Variants in EBF1 observed in about 807,000 individuals in gnomAD.
EBF1 encodes the protein EBF transcription factor 1.
Under a neutral mutation model 68.4 loss-of-function variants are expected in EBF1, and 10 were observed. The observed-to-expected ratio is 0.15, with a 90% CI of 0.09 to 0.25. The LOEUF (loss-of-function observed/expected upper bound fraction) is 0.25, where lower values mean the gene tolerates loss of function less well. Ranked by LOEUF, EBF1 falls within the 10% of genes least tolerant of loss-of-function variation. The pLI is 1.00. For synonymous variants in EBF1, 298 were observed against 299.8 expected (o/e 0.99, Z 0.06); for missense variants, 509 against 794.4 (o/e 0.64, Z 4.32).
chr5:158,950,980 G>T (rs1015477813), intron 6 of EBF1, among the ~76,000 whole-genome samples: 1 of 152,178 alleles, frequency 6.6e-6, no homozygotes, highest in Admixed American at 6.5e-5. Flanking sequence ...TGGAAAGTCA[G>T]ATTTCTATAT....
chr5:158,714,082 G>A (rs752316005), intron 12 of EBF1, 35 bp downstream of exon 12: 1 of 1,607,062 alleles, frequency 6.2e-7, no homozygotes, highest in South Asian at 1.1e-5. Context: ...ATTGCATGTG[G>A]CAGTCCACAC....
intron 6 of EBF1, among the ~76,000 whole-genome samples, chr5:158,872,532 A>G (rs1272640330): frequency 6.6e-6 from 1 of 152,106 alleles, no homozygotes; most frequent in Non-Finnish European, 1.5e-5. Context: ...TTGGTGATAG[A>G]ATGGAAGGAA....
chr5:158,972,693 T>C (rs1163118412), intron 6 of EBF1, among the ~76,000 whole-genome samples: 1 of 152,206 alleles, frequency 6.6e-6, no homozygotes, highest in Non-Finnish European at 1.5e-5. Flanking sequence ...CCACTTTCGA[T>C]GGCTTCCGAT....
At chr5:158,883,329 T>TAC (rs1412410931) in intron 6 of EBF1, among the ~76,000 whole-genome samples, 2 of 140,730 alleles carry the variant, frequency 1.4e-5, no homozygotes, top group South Asian at 2.5e-4. Context: ...TGTATATATA[T>TAC]ACACACACAT....
At chr5:158,841,758 T>G (rs1164314326) in intron 6 of EBF1, among the ~76,000 whole-genome samples, 3 of 152,238 alleles carry the variant, frequency 2.0e-5, no homozygotes, top group Non-Finnish European at 4.4e-5. Flanking sequence ...TGAATCCCTC[T>G]GCTCCTTGGT....
chr5:158,936,102 C>T (rs935515780), intron 6 of EBF1, among the ~76,000 whole-genome samples: 26 of 152,278 alleles, frequency 1.7e-4, no homozygotes, highest in African/African-American at 6.3e-4. Context: ...GTGCATGTTC[C>T]CTAGGTGTCT....
At chr5:158,962,977 C>CA (rs1396262127) in intron 6 of EBF1, among the ~76,000 whole-genome samples, 1 of 152,112 alleles carries the variant, frequency 6.6e-6, no homozygotes, top group Non-Finnish European at 1.5e-5. Flanking sequence ...CACTATTTAC[C>CA]AAAAAAGATG....
intron 6 of EBF1, among the ~76,000 whole-genome samples, chr5:159,020,042 A>G (rs920423559): frequency 6.6e-6 from 1 of 152,080 alleles, no homozygotes; most frequent in African/African-American, 2.4e-5. Context: ...AATGAGGTGG[A>G]TGGACAATGG....
At chr5:158,800,841 A>C (rs1397386160) in intron 8 of EBF1, among the ~76,000 whole-genome samples, 2 of 152,182 alleles carry the variant, frequency 1.3e-5, no homozygotes, top group African/African-American at 4.8e-5. Context: ...CAGGGATGTG[A>C]TAATCAATAC....
chr5:158,847,514 C>A (rs997956122), intron 6 of EBF1, among the ~76,000 whole-genome samples: 14 of 152,270 alleles, frequency 9.2e-5, no homozygotes, highest in African/African-American at 3.4e-4. Flanking sequence ...CCAACTTACT[C>A]CCCTAGCAAT....
intron 6 of EBF1, among the ~76,000 whole-genome samples, chr5:158,868,187 T>C (rs1223296449): frequency 6.6e-6 from 1 of 152,152 alleles, no homozygotes; most frequent in Non-Finnish European, 1.5e-5. Flanking sequence ...TAAGAAATAA[T>C]AGCCTTAGGA....
intron 11 of EBF1, among the ~76,000 whole-genome samples, chr5:158,715,564 T>C (rs1299063136): frequency 6.6e-6 from 1 of 152,210 alleles, no homozygotes; most frequent in Non-Finnish European, 1.5e-5. Flanking sequence ...ATGCTTGCCT[T>C]AAGCTGATAG....
intron 6 of EBF1, among the ~76,000 whole-genome samples, chr5:159,052,297 C>T (rs1228839778): frequency 6.8e-6 from 1 of 146,810 alleles, no homozygotes; most frequent in East Asian, 2.1e-4. Flanking sequence ...AAGAGAAAAA[C>T]ACTACACGTG....
chr5:158,947,222 G>A (rs574507894), intron 6 of EBF1, among the ~76,000 whole-genome samples: 18 of 151,842 alleles, frequency 1.2e-4, no homozygotes, highest in African/African-American at 1.9e-4. Flanking sequence ...CATTCCAGGC[G>A]CCACCAGGGT....
chr5:158,825,653 T>G (rs1237325310), intron 7 of EBF1, among the ~76,000 whole-genome samples: 1 of 152,144 alleles, frequency 6.6e-6, no homozygotes, highest in African/African-American at 2.4e-5. Context: ...ACACCCCATA[T>G]GTTTTTCTTT....
chr5:158,807,380 G>A (rs1185027679), intron 8 of EBF1, among the ~76,000 whole-genome samples: 1 of 152,126 alleles, frequency 6.6e-6, no homozygotes, highest in Non-Finnish European at 1.5e-5. Flanking sequence ...GATGATTTCT[G>A]AGTTTTCCCT....
intron 6 of EBF1, among the ~76,000 whole-genome samples, chr5:159,027,622 T>C (rs753958347): frequency 1.3e-5 from 2 of 152,236 alleles, no homozygotes; most frequent in Non-Finnish European, 2.9e-5. Flanking sequence ...GAATCTTCAT[T>C]TGACCAGTTG....
chr5:158,741,351 G>A (rs1262421211), intron 10 of EBF1, among the ~76,000 whole-genome samples: 1 of 152,114 alleles, frequency 6.6e-6, no homozygotes, highest in Non-Finnish European at 1.5e-5. Context: ...GAGGCAGAAG[G>A]ATAGCTGCAG....
intron 6 of EBF1, among the ~76,000 whole-genome samples, chr5:159,028,125 C>G (rs966211558): frequency 1.3e-5 from 2 of 152,132 alleles, no homozygotes; most frequent in African/African-American, 4.8e-5. Flanking sequence ...CCAGCAGGCT[C>G]TAGATGAAAG....
Sources: allele counts gnomAD v4.1 joint callset (sites outside exome capture counted in the v4.1 genomes callset), GRCh38; gene constraint gnomAD v4.1.1; transcripts MANE v1.5; gene names NCBI Gene and HGNC (gene_info 2026-07-23, HGNC 2026-07-21).